Variants in EHMT1 observed in about 807,000 individuals in gnomAD.
The protein encoded by EHMT1 is euchromatic histone lysine methyltransferase 1, also known as histone-lysine N-methyltransferase EHMT1.
A neutral mutation model predicts 147.2 loss-of-function variants in EHMT1; 15 were observed. The observed-to-expected ratio is 0.10, with a 90% CI of 0.07 to 0.16. The LOEUF (loss-of-function observed/expected upper bound fraction) is 0.16. Among genes scored for constraint, EHMT1 ranks in the 10% least tolerant of loss-of-function variants. The pLI is 1.00. For synonymous variants in EHMT1, 795 were observed against 709.6 expected, an observed-to-expected ratio of 1.12 and a Z score of -1.91; for missense variants, 1,587 against 1,772.4, an observed-to-expected ratio of 0.90 and a Z score of 1.88.
chr9:137,672,666 C>T (rs1420875587), intron 1 of EHMT1, among the ~76,000 whole-genome samples: 2 of 152,228 alleles, frequency 1.3e-5, no homozygotes, highest in African/African-American at 4.8e-5. Context: ...CAGTTTCTGC[C>T]TCTCGTAGAG....
chr9:137,703,626 C>T (rs576641133), intron 1 of EHMT1, among the ~76,000 whole-genome samples: 2 of 152,244 alleles, frequency 1.3e-5, no homozygotes, highest in South Asian at 4.2e-4. Flanking sequence ...ACTCCAATTC[C>T]CAATAGGTTC....
At chr9:137,834,202 G>T in intron 25 of EHMT1, 147 bp from the exon 26 acceptor site, 4 of 1,074,004 alleles carry the variant, frequency 3.7e-6, no homozygotes, top group Non-Finnish European at 2.7e-6. Flanking sequence ...CCGCACCGCC[G>T]CCACAGGTCA....
At chr9:137,827,167 C>T (rs1037040414) in intron 25 of EHMT1, among the ~76,000 whole-genome samples, 7 of 152,178 alleles carry the variant, frequency 4.6e-5, no homozygotes, top group Non-Finnish European at 1.0e-4. Flanking sequence ...CCTTGATGCC[C>T]CAGAGCTGCC....
intron 25 of EHMT1, 21 bp from the exon 26 acceptor site, chr9:137,834,328 T>C: frequency 6.2e-7 from 1 of 1,602,338 alleles, no homozygotes. Flanking sequence ...CTGCAGCCCG[T>C]GCCGGCTTCT....
chr9:137,763,102 G>T, intron 10 of EHMT1: 3 of 602,518 alleles, frequency 5.0e-6, no homozygotes, highest in Non-Finnish European at 8.8e-6. Context: ...TTTTGTCAAG[G>T]TTTTTCCTAC....
At chr9:137,817,029 A>C in intron 23 of EHMT1, 2 of 245,788 alleles carry the variant, frequency 8.1e-6, no homozygotes, top group Non-Finnish European at 1.6e-5. Flanking sequence ...ACCCTCCCCC[A>C]GCCCTGAGGG....
intron 8 of EHMT1, among the ~76,000 whole-genome samples, chr9:137,754,584 C>T (rs1372915960): frequency 1.3e-5 from 2 of 152,070 alleles, no homozygotes; most frequent in African/African-American, 4.8e-5. Context: ...ACGATCTCAG[C>T]TCACTGCAGC....
chr9:137,772,344 A>C (rs894290192), intron 10 of EHMT1, among the ~76,000 whole-genome samples: 1 of 117,802 alleles, frequency 8.5e-6, no homozygotes, highest in Non-Finnish European at 1.7e-5. Context: ...AGTTTTCTTA[A>C]TAGAATATTT....
intron 18 of EHMT1, among the ~76,000 whole-genome samples, chr9:137,808,817 G>C (rs1954169827): frequency 6.6e-6 from 1 of 152,106 alleles, no homozygotes; most frequent in Non-Finnish European, 1.5e-5. Context: ...CAGCTACTGG[G>C]GAGGCTAAGG....
chr9:137,815,156 G>A (rs1954820296), intron 22 of EHMT1, among the ~76,000 whole-genome samples: 1 of 152,152 alleles, frequency 6.6e-6, no homozygotes, highest in Admixed American at 6.5e-5. Context: ...AGAGGCAACA[G>A]GCGTCCCCTC....
At chr9:137,709,198 C>T (rs1230560229) in intron 1 of EHMT1, among the ~76,000 whole-genome samples, 1 of 152,202 alleles carries the variant, frequency 6.6e-6, no homozygotes, top group Non-Finnish European at 1.5e-5. Flanking sequence ...CTCCTGGACT[C>T]CTGGAAGGAT....
chr9:137,814,882 G>A (rs1350690741), intron 22 of EHMT1: 14 of 407,662 alleles, frequency 3.4e-5, no homozygotes, highest in East Asian at 1.6e-4. Flanking sequence ...GGGTGCTGCC[G>A]GGCTGGGTAC....
Position 137,776,493 on chromosome 9 carries a change from C to T in EHMT1, c.1792-125C>T. On this transcript the variant is annotated intron_variant, in intron 11 of 26. Coordinates refer to ENST00000460843, the MANE Select transcript of EHMT1 (RefSeq NM_024757.5). The surrounding 1 kb of genome is among the most constrained non-coding windows in gnomAD (Gnocchi z 4.4). ...GCCTGGGGCCAAGACTGGACCCCAC[C>T]CCGACCCATGGCTCACTCTGCAGAC... is the stretch of plus-strand genomic sequence containing the variant. 2.2e-6 allele frequency: 2 copies of T among 916,208 alleles called. No homozygotes were observed. The highest frequency in any genetic ancestry group is 1.4e-5 in the South Asian group (1 of 69,826). 56.8% of individuals were successfully genotyped at this position (916,208 alleles called of 1,614,324 possible). A position where few individuals can be genotyped will look rare whatever the true frequency, so the allele number is the denominator to read the frequency against.
intron 18 of EHMT1, among the ~76,000 whole-genome samples, 196 bp downstream of exon 18, chr9:137,801,180 A>G (rs1953452152): frequency 6.6e-6 from 1 of 152,170 alleles, no homozygotes; most frequent in Admixed American, 6.5e-5. Flanking sequence ...GTCCCAGCAG[A>G]GGCCACCCTC....
At chr9:137,706,985 C>G (rs1381697139) in intron 1 of EHMT1, among the ~76,000 whole-genome samples, 1 of 151,666 alleles carries the variant, frequency 6.6e-6, no homozygotes, top group Non-Finnish European at 1.5e-5. Context: ...CCACCACTCC[C>G]GGCTAATTTT....
intron 3 of EHMT1, among the ~76,000 whole-genome samples, chr9:137,726,446 C>T (rs1035016235): frequency 5.9e-5 from 9 of 152,220 alleles, no homozygotes; most frequent in African/African-American, 2.2e-4. Context: ...GCGCGGGCCC[C>T]AGCTTCGCTG....
chr9:137,746,186 C>T (rs1948529455), intron 6 of EHMT1: 1 of 152,256 alleles, frequency 6.6e-6, no homozygotes, highest in South Asian at 2.1e-4. Context: ...CGTGATCACG[C>T]TCAGTGCAAC....
intron 2 of EHMT1, among the ~76,000 whole-genome samples, chr9:137,711,408 A>G (rs1320279257): frequency 1.3e-5 from 2 of 152,196 alleles, no homozygotes; most frequent in Non-Finnish European, 2.9e-5. Context: ...TGGTACATCC[A>G]CACAGTGGGA....
chr9:137,813,082 A>C lies in EHMT1; in HGVS notation c.2944A>C (p.Asn982His). The C allele has an allele frequency of 6.2e-7, 1 of 1,613,824 alleles. No individual in the cohort carries two copies. ...GETPLQCASL[N>H]SQVWSALQMS... ...GACGCCCCTGCAGTGTGCGAGCCTC[A>C]ACTCTCAGGTGTGGAGCGCTCTGCA... The change falls in exon 20 of 27, where the codon AAC (asparagine) becomes CAC (histidine). Residue 982 changes from asparagine to histidine, a missense_variant. Physicochemically the swap from Asn to His is moderately conservative, Grantham distance 68. Transcript: ENST00000460843. This position sits in a 1 kb window ranked among gnomAD's most constrained non-coding sequence, Gnocchi z 4.9.
Sources: gnomAD v4.1 joint callset for allele counts (sites outside exome capture counted in the v4.1 genomes callset) on GRCh38, gnomAD v4.1.1 for gene constraint, Gnocchi (gnomAD v3.1) non-coding constraint, MANE v1.5 for transcripts, NCBI Gene and HGNC (gene_info 2026-07-23, HGNC 2026-07-21) for gene names.